CSMD3: variants seen among roughly 807,000 people sequenced by gnomAD.
CSMD3 encodes CUB and sushi domain-containing protein 3.
Under a neutral mutation model 435.2 loss-of-function variants are expected in CSMD3, and 177 were observed. The observed-to-expected ratio is 0.41, with a 90% CI of 0.36 to 0.46. The LOEUF (loss-of-function observed/expected upper bound fraction) is 0.46. Among genes scored for constraint, CSMD3 ranks in the 20% least tolerant of loss-of-function variants. The pLI is 0.34. For missense variants in CSMD3, 4,265 were observed against 4,504.6 expected (o/e 0.95, Z 1.52); for synonymous variants, 1,656 against 1,520.5 (o/e 1.09, Z -2.07).
At chr8:112,809,988 T>A (rs551284716) in intron 12 of CSMD3, among the ~76,000 whole-genome samples, 1 of 152,276 alleles carries the variant, frequency 6.6e-6, no homozygotes, top group African/African-American at 2.4e-5. Context: ...ATGGTCTGTA[T>A]ACATTGACTA....
At position 112,263,866 on chromosome 8, in the gene CSMD3, A is replaced by G. The variant is rs887955848; in HGVS notation, c.9689-54T>C. 3 of 1,461,770 alleles carry G rather than the reference A, an allele frequency of 2.1e-6. No individual in the cohort carries two copies. The African/African-American group carries it at 4.2e-5, about 20-fold the overall frequency. The allele number at this position is 1,461,770 out of a possible 1,614,324, so 90.5% of individuals were successfully genotyped here. On this transcript the variant is annotated intron_variant, in intron 60 of 70. Transcript: ENST00000297405. The stretch of plus-strand genomic sequence containing the variant: ...CAGCTGTTGAAATATCCTGAGCCTT[A>G]AAGATATAAATAAATATCATTAGAA...
chr8:112,358,481 A>C (rs1034734248), intron 38 of CSMD3, among the ~76,000 whole-genome samples: 2 of 152,128 alleles, frequency 1.3e-5, no homozygotes, highest in Non-Finnish European at 2.9e-5. Context: ...CCCACATCTC[A>C]TCTTGAATTC....
At chr8:112,647,236 T>TA (rs897620310) in intron 19 of CSMD3, among the ~76,000 whole-genome samples, 240 of 151,412 alleles carry the variant, frequency 1.6e-3, no homozygotes, top group African/African-American at 3.3e-3. Context: ...GATGAATATA[T>TA]AAAAAAAATT....
chr8:112,811,870 GTTC>G (rs776736367), intron 12 of CSMD3, among the ~76,000 whole-genome samples: 2 of 152,132 alleles, frequency 1.3e-5, no homozygotes, highest in African/African-American at 2.4e-5. Context: ...TCAATGGCCA[GTTC>G]TTCTCAGCTC....
intron 1 of CSMD3, among the ~76,000 whole-genome samples, chr8:113,400,989 A>G (rs529424099): frequency 3.3e-5 from 5 of 151,834 alleles, no homozygotes; most frequent in Non-Finnish European, 7.4e-5. Flanking sequence ...AGATAAAGAA[A>G]CTAAATAGTG....
chr8:112,228,036 C>T (rs906505776), intron 70 of CSMD3, among the ~76,000 whole-genome samples: 7 of 151,878 alleles, frequency 4.6e-5, no homozygotes, highest in African/African-American at 7.3e-5. Context: ...AGCAAGACTC[C>T]GTCTCAAAAA....
At chr8:113,296,259 C>A (rs561695053) in intron 2 of CSMD3, among the ~76,000 whole-genome samples, 127 of 150,398 alleles carry the variant, frequency 8.4e-4, no homozygotes, top group African/African-American at 2.9e-3. Flanking sequence ...AACAAACCTG[C>A]ATATTGTGCA....
At chr8:112,263,885 AT>A in intron 60 of CSMD3, 73 bp from the exon 61 acceptor site, 1 of 1,317,410 alleles carries the variant, frequency 7.6e-7, no homozygotes, top group Non-Finnish European at 1.1e-6. Flanking sequence ...AATAAATATC[AT>A]TAGAAGAAGC....
At chr8:112,849,600 A>G (rs942054541) in intron 11 of CSMD3, among the ~76,000 whole-genome samples, 13 of 151,830 alleles carry the variant, frequency 8.6e-5, no homozygotes, top group African/African-American at 2.9e-4. Context: ...CATATTATCA[A>G]TTTTCAGGCT....
chr8:113,047,119 T>G (rs1237636755), intron 5 of CSMD3, among the ~76,000 whole-genome samples: 1 of 152,220 alleles, frequency 6.6e-6, no homozygotes, highest in Non-Finnish European at 1.5e-5. Context: ...AGGCTGGACA[T>G]GCACTCAGGG....
chr8:112,757,460 CTTGTA>C (rs1160229101), intron 13 of CSMD3, among the ~76,000 whole-genome samples: 1 of 151,808 alleles, frequency 6.6e-6, no homozygotes, highest in African/African-American at 2.4e-5. Flanking sequence ...TATAAGAGGT[CTTGTA>C]TTATCTTCTT....
intron 57 of CSMD3, among the ~76,000 whole-genome samples, chr8:112,287,503 A>G (rs997941055): frequency 6.6e-6 from 1 of 152,144 alleles, no homozygotes; most frequent in Admixed American, 6.6e-5. Context: ...AGGATATTTC[A>G]TAAGTTTTTC....
intron 3 of CSMD3, among the ~76,000 whole-genome samples, chr8:113,224,535 T>C (rs1260453335): frequency 1.3e-5 from 2 of 151,292 alleles, no homozygotes; most frequent in African/African-American, 4.8e-5. Flanking sequence ...ATATAACATC[T>C]GTTTGTAGCA....
At chr8:112,692,843 T>C (rs2076165586) in intron 13 of CSMD3, among the ~76,000 whole-genome samples, 1 of 152,164 alleles carries the variant, frequency 6.6e-6, no homozygotes. Context: ...TATATTATTA[T>C]AATTCTTCTA....
chr8:112,289,604 T>C (rs1485088287), intron 56 of CSMD3, 66 bp from the exon 57 acceptor site: 1 of 1,034,626 alleles, frequency 9.7e-7, no homozygotes, highest in Non-Finnish European at 1.4e-6. Flanking sequence ...TATACCAGCA[T>C]GTTTATAGAA....
intron 2 of CSMD3, among the ~76,000 whole-genome samples, chr8:113,301,089 G>A (rs551699844): frequency 2.6e-4 from 40 of 151,844 alleles, no homozygotes; most frequent in Non-Finnish European, 4.9e-4. Context: ...GTTCATGTAT[G>A]ATTAAAGTAT....
intron 11 of CSMD3, among the ~76,000 whole-genome samples, chr8:112,832,149 C>T (rs747784254): frequency 6.6e-6 from 1 of 152,092 alleles, no homozygotes; most frequent in Non-Finnish European, 1.5e-5. Flanking sequence ...GATGTATCTT[C>T]ATATCTTTTA....
intron 7 of CSMD3, among the ~76,000 whole-genome samples, chr8:112,973,261 G>T (rs1259343079): frequency 2.0e-5 from 3 of 151,802 alleles, no homozygotes; most frequent in Admixed American, 6.6e-5. Context: ...TAGATCAGAG[G>T]AATAAGTTTT....
intron 4 of CSMD3, among the ~76,000 whole-genome samples, chr8:113,156,344 T>G (rs541068205): frequency 1.1e-4 from 17 of 152,210 alleles, no homozygotes; most frequent in African/African-American, 4.1e-4. Context: ...TAGAAACATA[T>G]TTTATAGAAT....
Sources: allele counts gnomAD v4.1 joint callset (sites outside exome capture counted in the v4.1 genomes callset), GRCh38; gene constraint gnomAD v4.1.1; transcripts MANE v1.5; gene names NCBI Gene and HGNC (gene_info 2026-07-23, HGNC 2026-07-21).